SHISA9: variants seen among roughly 807,000 people sequenced by gnomAD.
SHISA9 encodes the protein protein shisa-9.
In SHISA9, 13 loss-of-function variants were observed where a neutral mutation model predicts 38.0. The ratio of observed to expected loss-of-function variants is 0.34; its 90% CI spans 0.22 to 0.54. SHISA9 has a LOEUF of 0.54. Ranked by LOEUF, SHISA9 falls within the 20% of genes least tolerant of loss-of-function variation. SHISA9 has a pLI of 0.91. For synonymous variants in SHISA9, 275 were observed against 242.0 expected, an observed-to-expected ratio of 1.14 and a Z score of -1.27; for missense variants, 538 against 575.8, an observed-to-expected ratio of 0.93 and a Z score of 0.67.
intron 2 of SHISA9, among the ~76,000 whole-genome samples, chr16:13,181,302 T>C (rs1567237712): frequency 4.4e-5 from 2 of 45,452 alleles, no homozygotes; most frequent in East Asian, 6.3e-4. Flanking sequence ...TATATATATA[T>C]ATATATATAT....
intron 2 of SHISA9, among the ~76,000 whole-genome samples, chr16:13,183,352 C>A (rs1416937448): frequency 1.3e-5 from 2 of 152,276 alleles, no homozygotes; most frequent in African/African-American, 2.4e-5. Context: ...TATTTGTGTA[C>A]TTAGAAACCT....
chr16:13,531,093 C>T, the SHISA9 span, among the ~76,000 whole-genome samples: 42 of 152,186 alleles, frequency 2.8e-4, no homozygotes, highest in Non-Finnish European at 5.7e-4. Context: ...AATCAACCTC[C>T]ATTGAAACTT....
the SHISA9 span, among the ~76,000 whole-genome samples, chr16:13,252,201 C>G: frequency 6.6e-6 from 1 of 152,228 alleles, no homozygotes; most frequent in Non-Finnish European, 1.5e-5. Flanking sequence ...TTCACTCACT[C>G]TGCTCCAGCC....
chr16:13,054,154 T>C (rs551960113), intron 2 of SHISA9, among the ~76,000 whole-genome samples: 201 of 152,344 alleles, frequency 1.3e-3, no homozygotes, highest in Non-Finnish European at 2.4e-3. Context: ...CACAGCTGTG[T>C]GTTTCCTGCA....
the SHISA9 span, among the ~76,000 whole-genome samples, chr16:13,344,839 G>C: frequency 2.0e-3 from 311 of 152,184 alleles, 2 homozygotes; most frequent in African/African-American, 7.2e-3. Context: ...CTATGTTCTT[G>C]GTCATTACAC....
intron 2 of SHISA9, among the ~76,000 whole-genome samples, chr16:13,185,114 T>G (rs2050809235): frequency 6.6e-6 from 1 of 152,358 alleles, no homozygotes; most frequent in South Asian, 2.1e-4. Flanking sequence ...TTTTGGTTTC[T>G]GTTTTGCTTT....
At chr16:13,196,087 CAAAAAAAA>C (rs1172680715) in intron 2 of SHISA9, among the ~76,000 whole-genome samples, 185 of 14,120 alleles carry the variant, frequency 0.013, no homozygotes, top group African/African-American at 0.057. Flanking sequence ...GACTCTCTCT[CAAAAAAAA>C]AAAAAAAAAA....
At chr16:13,474,280 A>G in the SHISA9 span, 1 of 151,594 alleles carries the variant, frequency 6.6e-6, no homozygotes, top group African/African-American at 2.4e-5. Flanking sequence ...TGCCTGGAGG[A>G]CCTCCCCGAT....
In SHISA9 at chr16:13,202,339, T is replaced by A. The variant is rs959799485; in HGVS notation, c.692-1055T>A. 1.3e-4 allele frequency among the ~76,000 whole-genome samples: 17 copies of A among 131,766 alleles called. 4 individuals are homozygous for A. Among genetic ancestry groups the A allele is most frequent in the Admixed American group, 7.6e-5 (1 of 13,242 alleles). The allele number at this position is 131,766 out of a possible 152,430, so 86.4% of individuals were successfully genotyped here. On this transcript the variant is annotated intron_variant, in intron 2 of 4. Coordinates refer to ENST00000558583, the MANE Select transcript of SHISA9 (RefSeq NM_001145204.3). ...AATACCCTCCCTCATATCTTCCACC[T>A]TCCACCACACTGAACTATTATAACA...
chr16:13,005,534 G>A (rs559395587), intron 2 of SHISA9, among the ~76,000 whole-genome samples: 3 of 152,270 alleles, frequency 2.0e-5, no homozygotes, highest in Non-Finnish European at 2.9e-5. Flanking sequence ...ATTTACATCC[G>A]GAGTTTTCTT....
chr16:13,520,538 G>A, the SHISA9 span, among the ~76,000 whole-genome samples: 5 of 149,368 alleles, frequency 3.3e-5, no homozygotes, highest in African/African-American at 1.3e-4. Flanking sequence ...GGGAGGTGGG[G>A]GTTGCAGTGA....
chr16:13,012,123 G>A (rs544041937), intron 2 of SHISA9, among the ~76,000 whole-genome samples: 2 of 152,060 alleles, frequency 1.3e-5, no homozygotes, highest in Admixed American at 6.5e-5. Context: ...ACTGTGCCCA[G>A]CCCTTTTTTT....
intron 1 of SHISA9, among the ~76,000 whole-genome samples, chr16:12,914,061 T>G (rs1238628503): frequency 1.4e-5 from 2 of 146,066 alleles, no homozygotes; most frequent in African/African-American, 2.7e-5. Flanking sequence ...TTTTTTTTTT[T>G]TTGAGATGGA....
chr16:13,270,186 C>T, the SHISA9 span, among the ~76,000 whole-genome samples: 1 of 152,082 alleles, frequency 6.6e-6, no homozygotes, highest in Admixed American at 6.6e-5. Flanking sequence ...TTTACATTTC[C>T]CCTGATGGTG....
the SHISA9 span, among the ~76,000 whole-genome samples, chr16:13,303,492 A>T: frequency 6.6e-6 from 1 of 151,902 alleles, no homozygotes; most frequent in Non-Finnish European, 1.5e-5. Context: ...AGCCAGACAC[A>T]AAAGGTCACA....
intron 2 of SHISA9, among the ~76,000 whole-genome samples, chr16:13,141,470 A>T (rs892570390): frequency 5.9e-5 from 9 of 151,992 alleles, no homozygotes; most frequent in African/African-American, 1.9e-4. Flanking sequence ...GCAGATCATG[A>T]GGTCAAGAGA....
chr16:13,186,764 C>T (rs2142036524), intron 2 of SHISA9, among the ~76,000 whole-genome samples: 1 of 152,290 alleles, frequency 6.6e-6, no homozygotes, highest in South Asian at 2.1e-4. Flanking sequence ...ATTCTACTTT[C>T]CATCTCTATG....
Position 13,240,086 on chromosome 16 carries a change from A to T in SHISA9, c.*4677A>T, listed in dbSNP as rs1180144226. ...TAGCTGTCCCCCAGTTTCCAACCCA[A>T]TGGGACCAGAGTCTGACTTCCCTTT... On this transcript the variant is annotated 3_prime_UTR_variant, in exon 5 of 5. Transcript: ENST00000558583. The T allele has an allele frequency of 6.6e-6, 1 of 152,234 alleles. No individual in the cohort carries two copies. The highest frequency in any genetic ancestry group is 1.5e-5 in the Non-Finnish European group (1 of 68,098). The allele number at this position is 152,234 out of a possible 1,614,324, so 9.4% of individuals were successfully genotyped here. A position where few individuals can be genotyped will look rare whatever the true frequency, so the allele number is the denominator to read the frequency against.
Position 13,022,586 on chromosome 16 carries a change from C to T in SHISA9, c.691+105771C>T, listed in dbSNP as rs559124299. On this transcript the variant is annotated intron_variant, in intron 2 of 4. Transcript: ENST00000558583. The stretch of plus-strand genomic sequence containing the variant: ...CCTCAGGTGATCCACCTGTCTCGGG[C>T]CTCCCAGAGTGCTGGGATTACAGTT... Among the ~76,000 whole-genome samples, 3 of 152,210 alleles carry T rather than the reference C, an allele frequency of 2.0e-5. No individual in the cohort carries two copies. The East Asian group carries it at 5.8e-4, about 29-fold the overall frequency.
Sources: gnomAD v4.1 joint callset for allele counts (sites outside exome capture counted in the v4.1 genomes callset) on GRCh38, gnomAD v4.1.1 for gene constraint, MANE v1.5 for transcripts, NCBI Gene and HGNC (gene_info 2026-07-23, HGNC 2026-07-21) for gene names.